FAM83B: variants seen among roughly 807,000 people sequenced by gnomAD.
FAM83B encodes the protein scaffolding CK1 anchoring protein B, also known as protein FAM83B.
FAM83B carries 26 observed loss-of-function variants against 38.8 expected under a neutral mutation model. That is an observed-to-expected ratio of 0.67 (90% confidence interval 0.49 to 0.93). The LOEUF is 0.93. FAM83B is among the 40% of genes least tolerant of loss of function. The pLI, the probability that FAM83B is intolerant of heterozygous loss-of-function variation, is 0.00. For missense variants in FAM83B, 1,237 were observed against 1,197.3 expected (o/e 1.03, Z -0.49); for synonymous variants, 419 against 423.1 (o/e 0.99, Z 0.12).
rs115872183 is a variant in FAM83B, at chr6:54,940,481, C to T, written c.1510C>T (p.His504Tyr). 10,820 of 1,614,050 alleles carry T rather than the reference C, an allele frequency of 6.7e-3. 42 individuals are homozygous for T. The highest frequency in any genetic ancestry group is 8.0e-3 in the Non-Finnish European group (9,417 of 1,180,006). The change falls in exon 5 of 5, where the codon CAT becomes TAT. Residue 504 changes from histidine to tyrosine, a missense_variant. Coordinates refer to ENST00000306858, the MANE Select transcript of FAM83B (RefSeq NM_001010872.3). ...GAGAATTGAATCCTACTTAAATGAT[C>T]ATTCAGAAGCTACACCGGACTCAAA... ...NWRIESYLND[H>Y]SEATPDSNGS...
At chr6:54,912,362 C>T (rs1177064969) in intron 2 of FAM83B, among the ~76,000 whole-genome samples, 1 of 149,154 alleles carries the variant, frequency 6.7e-6, no homozygotes, top group East Asian at 2.0e-4. Flanking sequence ...CTGACAAGTT[C>T]TTTTTTATGA....
chr6:54,940,920 A>G lies in FAM83B; in HGVS notation c.1949A>G (p.Asn650Ser). 6.2e-7 allele frequency: 1 copy of G among 1,613,286 alleles called. No individual in the cohort carries two copies. Among genetic ancestry groups the G allele is most frequent in the African/African-American group, 1.3e-5 (1 of 74,962 alleles). Reference sequence around the variant, plus strand: ...TTGGGTGTAAATAAGCAGACAGAAAATCTAAAGAATCAACAGACTGAGAAT... The same window carrying G: ...TTGGGTGTAAATAAGCAGACAGAAAGTCTAAAGAATCAACAGACTGAGAAT... ...KTLGVNKQTE[N>S]LKNQQTENLL... is the part of the protein sequence containing the mutation. Residue 650 changes from asparagine to serine, a missense_variant, in exon 5 of 5, where the codon AAT becomes AGT. By Grantham distance (46) the Asn-to-Ser change is conservative (BLOSUM62 1). Coordinates refer to ENST00000306858, the MANE Select transcript of FAM83B (RefSeq NM_001010872.3).
chr6:54,885,992 C>A (rs956355480), intron 2 of FAM83B, among the ~76,000 whole-genome samples: 2 of 151,318 alleles, frequency 1.3e-5, no homozygotes, highest in Admixed American at 6.6e-5. Context: ...TAATAAGTAA[C>A]TGTCATATAT....
At position 54,870,695 on chromosome 6, in the gene FAM83B, T is replaced by C. The variant is rs910411081; in HGVS notation, c.444+5T>C. On this transcript the variant is annotated splice_donor_5th_base_variant and intron_variant, in intron 2 of 4. Transcript: ENST00000306858. ...ATGATAAAAGAAGCAAGAAAGGTAA[T>C]AACATTTCTATTTTGAAATGAAAAA... is the stretch of plus-strand genomic sequence containing the variant. 6.4e-7 allele frequency: 1 copy of C among 1,572,258 alleles called. No homozygotes were observed. Among genetic ancestry groups the C allele is most frequent in the South Asian group, 1.2e-5 (1 of 85,056 alleles).
chr6:54,912,138 C>G (rs952864317), intron 2 of FAM83B, among the ~76,000 whole-genome samples: 5 of 151,474 alleles, frequency 3.3e-5, no homozygotes, highest in African/African-American at 1.2e-4. Flanking sequence ...TTTATTTTCC[C>G]AAATAACATT....
intron 2 of FAM83B, among the ~76,000 whole-genome samples, chr6:54,875,776 C>T (rs989694374): frequency 2.0e-5 from 3 of 151,296 alleles, no homozygotes; most frequent in African/African-American, 7.3e-5. Flanking sequence ...GGGAAAGAGA[C>T]AGGAGAGGAG....
At chr6:54,917,516 G>A (rs567546421) in intron 2 of FAM83B, among the ~76,000 whole-genome samples, 75 of 152,004 alleles carry the variant, frequency 4.9e-4, no homozygotes, top group African/African-American at 1.7e-3. Flanking sequence ...CATGATTGGT[G>A]AAAATAACAA....
At chr6:54,847,444 T>C (rs1447895130) in intron 1 of FAM83B, among the ~76,000 whole-genome samples, 1 of 152,094 alleles carries the variant, frequency 6.6e-6, no homozygotes, top group Non-Finnish European at 1.5e-5. Flanking sequence ...TTTTTCATAC[T>C]TGGGTCGGCC....
chr6:54,928,013 A>G (rs1373201978), intron 4 of FAM83B, among the ~76,000 whole-genome samples: 1 of 152,200 alleles, frequency 6.6e-6, no homozygotes. Context: ...ACTTTAAGTA[A>G]TCTGGTAAAT....
At position 54,940,097 on chromosome 6, in the gene FAM83B, C is replaced by A. The variant is rs764138295; in HGVS notation, c.1126C>A (p.Gln376Lys). The A allele has an allele frequency of 7.4e-6, 12 of 1,614,056 alleles. No homozygotes were observed. The highest frequency in any genetic ancestry group is 1.0e-5 in the Non-Finnish European group (12 of 1,180,014). ...FNGPNAIRQF[Q>K]PNQINENWKR... ...TGGTCCAAACGCAATACGTCAGTTT[C>A]AACCCAATCAGATAAATGAAAATTG... is the stretch of plus-strand genomic sequence containing the variant. Residue 376 changes from glutamine (Q) to lysine (K), a missense_variant, in exon 5 of 5, where the codon CAA becomes AAA. Coordinates refer to ENST00000306858, the MANE Select transcript of FAM83B (RefSeq NM_001010872.3).
chr6:54,917,638 A>G (rs1016432827), intron 2 of FAM83B, among the ~76,000 whole-genome samples: 1 of 152,124 alleles, frequency 6.6e-6, no homozygotes, highest in Non-Finnish European at 1.5e-5. Context: ...TTAATAATCT[A>G]AAGTAACAGT....
intron 1 of FAM83B, among the ~76,000 whole-genome samples, chr6:54,864,694 A>G (rs1180524420): frequency 1.3e-5 from 2 of 152,214 alleles, no homozygotes; most frequent in African/African-American, 4.8e-5. Context: ...AATTTCTGGT[A>G]ATCAAATGAG....
At chr6:54,863,901 A>T (rs1249280887) in intron 1 of FAM83B, among the ~76,000 whole-genome samples, 1 of 152,216 alleles carries the variant, frequency 6.6e-6, no homozygotes, top group East Asian at 1.9e-4. Context: ...CAGAACAAGA[A>T]TACGTCACTT....
chr6:54,875,293 G>A (rs768772848), intron 2 of FAM83B, among the ~76,000 whole-genome samples: 7 of 151,908 alleles, frequency 4.6e-5, no homozygotes, highest in Non-Finnish European at 7.4e-5. Flanking sequence ...ACTTTCATCC[G>A]CATCCCTTTG....
chr6:54,874,048 A>G (rs1366655707), intron 2 of FAM83B, among the ~76,000 whole-genome samples: 2 of 152,074 alleles, frequency 1.3e-5, no homozygotes, highest in East Asian at 3.9e-4. Context: ...TCTTTACTGG[A>G]AAGAGGTGAA....
intron 2 of FAM83B, among the ~76,000 whole-genome samples, chr6:54,884,099 C>T (rs7774660): frequency 0.49 from 74,915 of 151,674 alleles, 19,220 homozygotes; most frequent in East Asian, 0.85. Context: ...GTCAAGAGAT[C>T]GAGAACATCC....
chr6:54,933,173 A>G lies in FAM83B; in HGVS notation c.734+5541A>G, dbSNP rs1773460487. Among the ~76,000 whole-genome samples, 6 of 151,270 alleles carry G rather than the reference A, an allele frequency of 4.0e-5. No homozygotes were observed. In the South Asian group the frequency reaches 1.0e-3, roughly 26 times the overall value. On this transcript the variant is annotated intron_variant, in intron 4 of 4. Transcript: ENST00000306858. ...TTTTTCATTTTGCTCTTCTGACTCA[A>G]TTATATCCATGACCTGTCTTCAAGT... is the stretch of plus-strand genomic sequence containing the variant.
chr6:54,906,881 C>G (rs1001610669), intron 2 of FAM83B, among the ~76,000 whole-genome samples: 20 of 152,132 alleles, frequency 1.3e-4, no homozygotes, highest in African/African-American at 4.8e-4. Flanking sequence ...AATATATTCA[C>G]AGATACAGCA....
intron 1 of FAM83B, among the ~76,000 whole-genome samples, chr6:54,851,860 G>A (rs1312600999): frequency 6.6e-6 from 1 of 151,810 alleles, no homozygotes; most frequent in Non-Finnish European, 1.5e-5. Flanking sequence ...TTTTAGCCGG[G>A]ATGGTCTCGA....
Sources: gnomAD v4.1 joint callset for allele counts (sites outside exome capture counted in the v4.1 genomes callset) on GRCh38, gnomAD v4.1.1 for gene constraint, MANE v1.5 for transcripts, NCBI Gene and HGNC (gene_info 2026-07-23, HGNC 2026-07-21) for gene names.